The following ANKH variants were observed in gnomAD, a reference collection of about 807,000 sequenced individuals.
ANKH encodes the protein mineralization regulator ANKH.
In ANKH, 15 loss-of-function variants were observed where a neutral mutation model predicts 49.0. That is an observed-to-expected ratio of 0.31 (90% confidence interval 0.20 to 0.47). ANKH has a LOEUF of 0.47. Among genes scored for constraint, ANKH ranks in the 20% least tolerant of loss-of-function variants. The pLI is 1.00. For synonymous variants in ANKH, 273 were observed against 260.0 expected, an observed-to-expected ratio of 1.05 and a Z score of -0.48; for missense variants, 429 against 652.0, an observed-to-expected ratio of 0.66 and a Z score of 3.72.
intron 1 of ANKH, among the ~76,000 whole-genome samples, chr5:14,845,976 C>T (rs1227470210): frequency 6.6e-6 from 1 of 151,144 alleles, no homozygotes; most frequent in Non-Finnish European, 1.5e-5. Flanking sequence ...CTGCCTTAGC[C>T]TCCCAAATAG....
chr5:14,769,253 A>T, intron 1 of ANKH, 62 bp from the exon 2 acceptor site: 9 of 1,372,404 alleles, frequency 6.6e-6, no homozygotes, highest in Non-Finnish European at 9.2e-6. Context: ...GGGGAATCAT[A>T]CCTCTAAGAT....
chr5:14,725,044 A>G lies in ANKH; in HGVS notation c.1012-8209T>C, dbSNP rs1408898378. On this transcript the variant is annotated intron_variant, in intron 8 of 11. Transcript: ENST00000284268. The surrounding 1 kb of genome is among the most constrained non-coding windows in gnomAD (Gnocchi z 4.0). ...TTTTTATTTGGCGCTTTTGCTTGAA[A>G]AAAAGGTTCAATATACCTTTTTAAT... Among the ~76,000 whole-genome samples the G allele has an allele frequency of 2.0e-5, 3 of 152,202 alleles. No homozygotes were observed. Among genetic ancestry groups the G allele is most frequent in the Non-Finnish European group, 2.9e-5 (2 of 68,044 alleles).
chr5:14,851,954 C>T (rs1742133313), intron 1 of ANKH, among the ~76,000 whole-genome samples: 1 of 152,186 alleles, frequency 6.6e-6, no homozygotes, highest in Non-Finnish European at 1.5e-5. Context: ...AAAATTTTAT[C>T]CTCACTAGAA....
At chr5:14,854,056 A>G (rs996106450) in intron 1 of ANKH, among the ~76,000 whole-genome samples, 1 of 152,246 alleles carries the variant, frequency 6.6e-6, no homozygotes, top group African/African-American at 2.4e-5. Flanking sequence ...CCAAATATTC[A>G]TAAATAGTTT....
intron 2 of ANKH, chr5:14,768,541 C>T (rs1476646520): frequency 4.1e-6 from 1 of 241,072 alleles, no homozygotes; most frequent in Non-Finnish European, 8.2e-6. Context: ...AGAATAAGAT[C>T]CTAGAACAAA....
At chr5:14,835,941 TG>T (rs1466081578) in intron 1 of ANKH, among the ~76,000 whole-genome samples, 1 of 152,216 alleles carries the variant, frequency 6.6e-6, no homozygotes, top group Non-Finnish European at 1.5e-5. Context: ...GCTTCATCCC[TG>T]GGATGCAAGG....
intron 8 of ANKH, among the ~76,000 whole-genome samples, chr5:14,734,847 A>G (rs2126454616): frequency 6.6e-6 from 1 of 152,368 alleles, no homozygotes; most frequent in East Asian, 1.9e-4. Context: ...ATTACCCTTT[A>G]TAAGGTTCAA....
intron 3 of ANKH, among the ~76,000 whole-genome samples, chr5:14,757,344 C>T (rs573392056): frequency 2.0e-5 from 3 of 151,070 alleles, no homozygotes; most frequent in East Asian, 3.9e-4. Flanking sequence ...TTTTAAGTCT[C>T]CTTCCAAGAA....
At chr5:14,830,525 G>GTGTC (rs1304862230) in intron 1 of ANKH, among the ~76,000 whole-genome samples, 1 of 151,644 alleles carries the variant, frequency 6.6e-6, no homozygotes, top group Non-Finnish European at 1.5e-5. Flanking sequence ...GTGTGTGTGT[G>GTGTC]TGTGTGTGTG....
In ANKH at chr5:14,798,009, C is replaced by T. The variant is rs546913588; in HGVS notation, c.97-28818G>A. 1.0e-3 allele frequency: 1,603 copies of T among 1,568,902 alleles called. 26 individuals are homozygous for T. The South Asian group carries it at 0.017, about 16-fold the overall frequency. On this transcript the variant is annotated intron_variant, in intron 1 of 11. Coordinates refer to ENST00000284268, the MANE Select transcript of ANKH (RefSeq NM_054027.6). ...GATACAAGGGTTCTGGGGCATATAA[C>T]GGGCCCTGTTTACTTTTCCTTCATG...
intron 1 of ANKH, among the ~76,000 whole-genome samples, chr5:14,799,551 A>G (rs1365622857): frequency 1.3e-5 from 2 of 152,228 alleles, no homozygotes; most frequent in African/African-American, 4.8e-5. Context: ...GCTGACGCCA[A>G]TGCTCATTTA....
chr5:14,711,564 C>T (rs146790017), intron 11 of ANKH, among the ~76,000 whole-genome samples: 32 of 152,324 alleles, frequency 2.1e-4, no homozygotes, highest in East Asian at 1.4e-3. Context: ...CCCACTGCCC[C>T]GCCCCAGACA....
chr5:14,747,757 C>A (rs1465252836), intron 6 of ANKH, among the ~76,000 whole-genome samples: 1 of 152,126 alleles, frequency 6.6e-6, no homozygotes, highest in East Asian at 1.9e-4. Context: ...TGAGGCAAAT[C>A]CCCAGCAATG....
At chr5:14,741,284 G>C (rs1738345459) in intron 8 of ANKH, 1 of 159,492 alleles carries the variant, frequency 6.3e-6, no homozygotes, top group Non-Finnish European at 1.4e-5. Flanking sequence ...TAGAAATACA[G>C]ACAGGCTTTG....
intron 1 of ANKH, among the ~76,000 whole-genome samples, chr5:14,808,628 T>C (rs1228559078): frequency 6.6e-6 from 1 of 151,904 alleles, no homozygotes; most frequent in Middle Eastern, 3.4e-3. Context: ...TCAAAACCAC[T>C]ATGAGATATC....
rs145880312 is a variant in ANKH, at chr5:14,757,799, T to C, written c.432+681A>G. Reference sequence around the variant, plus strand: ...TAAATAAATTGACAAGATGGACTGGTTAAAAGTCAACAGACAATTGGAACC... The same window carrying C: ...TAAATAAATTGACAAGATGGACTGGCTAAAAGTCAACAGACAATTGGAACC... On this transcript the variant is annotated intron_variant, in intron 3 of 11. Transcript: ENST00000284268. Among the ~76,000 whole-genome samples, 51 of 152,306 alleles carry C rather than the reference T, an allele frequency of 3.3e-4. No individual in the cohort carries two copies. The East Asian group carries it at 9.8e-3, about 29-fold the overall frequency.
intron 5 of ANKH, among the ~76,000 whole-genome samples, chr5:14,750,311 A>G (rs1421066907): frequency 6.6e-6 from 1 of 152,218 alleles, no homozygotes. Flanking sequence ...ACTTACAACA[A>G]ACAGAATGCT....
chr5:14,730,076 T>C (rs2126444955), intron 8 of ANKH, among the ~76,000 whole-genome samples: 1 of 152,184 alleles, frequency 6.6e-6, no homozygotes, highest in African/African-American at 2.4e-5. Flanking sequence ...CCATGCTGGG[T>C]TCTACAGAAA....
chr5:14,834,686 C>G (rs1741604415), intron 1 of ANKH, among the ~76,000 whole-genome samples: 1 of 152,094 alleles, frequency 6.6e-6, no homozygotes, highest in South Asian at 2.1e-4. Flanking sequence ...GAGGCTGAGG[C>G]AGGAGAATCA....
Sources: allele counts gnomAD v4.1 joint callset (sites outside exome capture counted in the v4.1 genomes callset), GRCh38; gene constraint gnomAD v4.1.1; non-coding constraint Gnocchi (gnomAD v3.1); transcripts MANE v1.5; gene names NCBI Gene and HGNC (gene_info 2026-07-23, HGNC 2026-07-21).